The following SPAST variants were observed in gnomAD, a reference collection of about 807,000 sequenced individuals.
SPAST encodes spastin, also known as spastic paraplegia 4 (autosomal dominant; spastin).
SPAST carries 30 observed loss-of-function variants against 76.6 expected under a neutral mutation model. The observed-to-expected ratio is 0.39, with a 90% CI of 0.29 to 0.53. SPAST has a LOEUF of 0.53. Among genes scored for constraint, SPAST ranks in the 20% least tolerant of loss-of-function variants. SPAST has a pLI of 0.68. For missense variants in SPAST, 717 were observed against 770.5 expected (o/e 0.93, Z 0.82); for synonymous variants, 305 against 281.0 (o/e 1.09, Z -0.86).
chr2:32,075,547 C>CTTT (rs773998404), intron 1 of SPAST, among the ~76,000 whole-genome samples: 28,674 of 85,444 alleles, frequency 0.34, 6,092 homozygotes, highest in East Asian at 0.48. Flanking sequence ...TGGCTTTTTT[C>CTTT]TTTTTTTTTT....
At chr2:32,074,784 G>A (rs544173375) in intron 1 of SPAST, among the ~76,000 whole-genome samples, 7 of 152,170 alleles carry the variant, frequency 4.6e-5, no homozygotes, top group Non-Finnish European at 7.4e-5. Flanking sequence ...TGAGATTACA[G>A]GCATGAGTCA....
intron 1 of SPAST, among the ~76,000 whole-genome samples, chr2:32,071,192 C>G (rs897569170): frequency 3.9e-5 from 6 of 152,094 alleles, no homozygotes; most frequent in African/African-American, 7.2e-5. Context: ...TTTGATTTCT[C>G]AAGTACATAG....
chr2:32,084,068 C>A (rs952801135), intron 1 of SPAST, among the ~76,000 whole-genome samples: 1 of 151,684 alleles, frequency 6.6e-6, no homozygotes, highest in Admixed American at 6.6e-5. Flanking sequence ...GCATGACCCA[C>A]CGTGCCCAGC....
In SPAST at chr2:32,101,722, T is replaced by C. The variant is rs1053019720; in HGVS notation, c.682+2831T>C. 7.2e-5 allele frequency among the ~76,000 whole-genome samples: 11 copies of C among 152,372 alleles called. No homozygotes were observed. The East Asian group carries it at 2.1e-3, about 29-fold the overall frequency. ...AGCCAGTTTTCCCAGCACCATTTAT[T>C]AAATAGGAAATCCTTTCCCCATTTA... On this transcript the variant is annotated intron_variant, in intron 4 of 16. Coordinates refer to ENST00000315285, the MANE Select transcript of SPAST (RefSeq NM_014946.4).
At chr2:32,153,100 TTTACAAG>T (rs530783745) in intron 16 of SPAST, among the ~76,000 whole-genome samples, 96 of 152,118 alleles carry the variant, frequency 6.3e-4, no homozygotes, top group African/African-American at 2.2e-3. Flanking sequence ...TTCAGATTAG[TTTACAAG>T]TTACAAGTGT....
chr2:32,095,174 T>C (rs1677871744), intron 3 of SPAST, among the ~76,000 whole-genome samples: 1 of 152,114 alleles, frequency 6.6e-6, no homozygotes, highest in South Asian at 2.1e-4. Context: ...AGTGGTTGGA[T>C]TATGATTATA....
intron 4 of SPAST, among the ~76,000 whole-genome samples, chr2:32,110,769 TAC>T (rs1678549983): frequency 7.1e-6 from 1 of 140,364 alleles, no homozygotes; most frequent in Non-Finnish European, 1.5e-5. Context: ...ATATATAGTA[TAC>T]ATAGTATACT....
At chr2:32,113,821 T>A (rs1678715430) in intron 4 of SPAST, among the ~76,000 whole-genome samples, 1 of 151,916 alleles carries the variant, frequency 6.6e-6, no homozygotes, top group Non-Finnish European at 1.5e-5. Flanking sequence ...TCCACCTCGA[T>A]CTCCCAAAGT....
chr2:32,115,751 C>G lies in SPAST; in HGVS notation c.920C>G (p.Ala307Gly). The part of the protein sequence containing the change: ...RTNKPSTPTT[A>G]TRKKKDLKNF... Reference sequence around the variant, plus strand: ...AATAAACCTTCTACCCCTACAACTGCTACTCGTAAGAAAAAAGACTTGAAG... The same window carrying G: ...AATAAACCTTCTACCCCTACAACTGGTACTCGTAAGAAAAAAGACTTGAAG... Residue 307 changes from alanine (A) to glycine (G), a missense_variant, in exon 6 of 17, where the codon GCT becomes GGT. Transcript: ENST00000315285. 1.9e-6 allele frequency: 3 copies of G among 1,610,798 alleles called. No homozygotes were observed. The highest frequency in any genetic ancestry group is 2.5e-6 in the Non-Finnish European group (3 of 1,177,348).
chr2:32,124,148 T>C (rs967534248), intron 7 of SPAST, among the ~76,000 whole-genome samples: 2 of 152,156 alleles, frequency 1.3e-5, no homozygotes, highest in Non-Finnish European at 2.9e-5. Flanking sequence ...ATCCAAAATA[T>C]ACAAAGAACT....
intron 3 of SPAST, among the ~76,000 whole-genome samples, chr2:32,092,006 T>C (rs929467364): frequency 6.6e-5 from 10 of 152,164 alleles, no homozygotes; most frequent in Non-Finnish European, 5.9e-5. Context: ...GCTTTAAAAA[T>C]GTTGGTTTTT....
At chr2:32,147,897 C>T (rs1679948321) in intron 16 of SPAST, among the ~76,000 whole-genome samples, 1 of 147,586 alleles carries the variant, frequency 6.8e-6, no homozygotes, top group South Asian at 2.2e-4. Context: ...TCCCAAAGTG[C>T]TGGGATTACA....
intron 1 of SPAST, among the ~76,000 whole-genome samples, chr2:32,073,841 A>G (rs1676847626): frequency 6.6e-6 from 1 of 152,226 alleles, no homozygotes. Context: ...ATTTTCTTAG[A>G]GGTTATTAAA....
At chr2:32,065,166 C>T (rs1021675842) in intron 1 of SPAST, among the ~76,000 whole-genome samples, 2 of 151,990 alleles carry the variant, frequency 1.3e-5, no homozygotes, top group East Asian at 1.9e-4. Flanking sequence ...ATTACAGGCA[C>T]GCACCACCAC....
intron 16 of SPAST, among the ~76,000 whole-genome samples, chr2:32,152,207 TAA>T (rs1486600414): frequency 5.3e-5 from 8 of 152,226 alleles, no homozygotes; most frequent in South Asian, 2.1e-4. Context: ...AAATATCATA[TAA>T]GTTTCATATA....
chr2:32,110,558 GTGTGTATATATAGTATATATA>G (rs1678525113), intron 4 of SPAST, among the ~76,000 whole-genome samples: 4 of 64,460 alleles, frequency 6.2e-5, no homozygotes, highest in Admixed American at 3.3e-4. Flanking sequence ...ATACTATATA[GTGTGTATATATAGTATATATA>G]TAGTGTATAT....
intron 4 of SPAST, among the ~76,000 whole-genome samples, chr2:32,107,161 T>C (rs1404762481): frequency 6.6e-6 from 1 of 152,144 alleles, no homozygotes; most frequent in Non-Finnish European, 1.5e-5. Flanking sequence ...AATTGAACTT[T>C]GTCTTATTTC....
chr2:32,132,529 CTT>C (rs34112329), intron 9 of SPAST, among the ~76,000 whole-genome samples: 42,282 of 148,066 alleles, frequency 0.29, 6,177 homozygotes, highest in East Asian at 0.55. Flanking sequence ...AAAACTCAAT[CTT>C]TTTTTTTTTT....
At chr2:32,104,069 A>G (rs1048974910) in intron 4 of SPAST, among the ~76,000 whole-genome samples, 2 of 152,098 alleles carry the variant, frequency 1.3e-5, no homozygotes, top group Non-Finnish European at 2.9e-5. Flanking sequence ...GTCTCCCAGT[A>G]TTATTGTGTG....
Sources: allele counts gnomAD v4.1 joint callset (sites outside exome capture counted in the v4.1 genomes callset), GRCh38; gene constraint gnomAD v4.1.1; transcripts MANE v1.5; gene names NCBI Gene and HGNC (gene_info 2026-07-23, HGNC 2026-07-21).